The following CAT variants were observed in gnomAD, a reference collection of about 807,000 sequenced individuals.
The protein encoded by CAT is epididymis secretory sperm binding protein.
In CAT, 43 loss-of-function variants were observed where a neutral mutation model predicts 59.0. The ratio of observed to expected loss-of-function variants is 0.73; its 90% CI spans 0.57 to 0.94. The LOEUF (loss-of-function observed/expected upper bound fraction) is 0.94. Among genes scored for constraint, CAT ranks in the 40% least tolerant of loss-of-function variants. The probability of loss-of-function intolerance (pLI) is 0.00; values close to 1 mark genes in which losing one functional copy is unlikely to be tolerated. For synonymous variants in CAT, 218 were observed against 230.9 expected (o/e 0.94, Z 0.51); for missense variants, 664 against 682.9 (o/e 0.97, Z 0.31).
At chr11:34,439,158 C>T (rs1856355317) in intron 1 of CAT, 79 bp downstream of exon 1, 2 of 1,341,282 alleles carry the variant, frequency 1.5e-6, no homozygotes, top group East Asian at 2.5e-5. Context: ...CCCGGCTTCC[C>T]CCGGGGCGGC....
intron 1 of CAT, 60 bp from the exon 2 acceptor site, chr11:34,449,132 G>A (rs769218): frequency 0.23 from 322,195 of 1,387,350 alleles, 40,013 homozygotes; most frequent in East Asian, 0.46. Context: ...ACCCGTGACA[G>A]TGTAAATGAA....
intron 12 of CAT, 150 bp from the exon 13 acceptor site, chr11:34,471,218 A>G: frequency 1.2e-6 from 1 of 851,598 alleles, no homozygotes; most frequent in South Asian, 1.4e-5. Context: ...CAAAACACAT[A>G]CTCTTCATTT....
In CAT at chr11:34,471,467, G is replaced by A; in HGVS notation, c.*34G>A. ...CCCTGCACCTGTGCAGCGAAGCTTAGCGTTCATCCGTGTAACCCGCTCATC... is the reference window on the plus strand; with the variant it reads ...CCCTGCACCTGTGCAGCGAAGCTTAACGTTCATCCGTGTAACCCGCTCATC... On this transcript the variant is annotated 3_prime_UTR_variant, in exon 13 of 13. Coordinates refer to ENST00000241052, the MANE Select transcript of CAT (RefSeq NM_001752.4). The A allele has an allele frequency of 1.9e-6, 3 of 1,581,664 alleles. No individual in the cohort carries two copies. Among genetic ancestry groups the A allele is most frequent in the Non-Finnish European group, 2.6e-6 (3 of 1,150,370 alleles).
At chr11:34,464,060 G>A in intron 9 of CAT, 45 bp from the exon 10 acceptor site, 1 of 1,609,990 alleles carries the variant, frequency 6.2e-7, no homozygotes, top group Non-Finnish European at 8.5e-7. Context: ...AGACTTACTT[G>A]ACTTTTCTTA....
intron 8 of CAT, among the ~76,000 whole-genome samples, chr11:34,459,616 A>T (rs577305750): frequency 1.3e-5 from 2 of 152,108 alleles, no homozygotes; most frequent in African/African-American, 2.4e-5. Context: ...CCAGCAAGGG[A>T]GTTCAGGCAC....
intron 11 of CAT, chr11:34,468,607 T>A (rs963965056): frequency 3.3e-6 from 2 of 605,938 alleles, no homozygotes; most frequent in African/African-American, 3.7e-5. Flanking sequence ...CTTAGCTGTT[T>A]GTCCAGTGTG....
At chr11:34,462,451 A>T (rs1000645155) in intron 9 of CAT, among the ~76,000 whole-genome samples, 2 of 152,160 alleles carry the variant, frequency 1.3e-5, no homozygotes, top group Non-Finnish European at 2.9e-5. Context: ...TTTTAGACAG[A>T]GTCTCACTCT....
At chr11:34,440,045 G>C (rs1419981617) in intron 1 of CAT, among the ~76,000 whole-genome samples, 1 of 152,186 alleles carries the variant, frequency 6.6e-6, no homozygotes, top group Non-Finnish European at 1.5e-5. Context: ...ACCACATCTG[G>C]TCTGAGTCTA....
chr11:34,466,464 A>G (rs1048592263), intron 10 of CAT, among the ~76,000 whole-genome samples: 8 of 152,198 alleles, frequency 5.3e-5, no homozygotes, highest in African/African-American at 1.9e-4. Context: ...AGGTTTTAAA[A>G]TGACTGATTA....
At position 34,470,984 on chromosome 11, in the gene CAT, T is replaced by C; in HGVS notation, c.1461T>C (p.Pro487=). Residue 487 remains proline (P), a synonymous_variant, in exon 12 of 13, where the codon CCT becomes CCC. Coordinates refer to ENST00000241052, the MANE Select transcript of CAT (RefSeq NM_001752.4). ...KAVKNFTEVH[P]DYGSHIQALL... is the part of the protein sequence containing the mutation. ...TCAAGAACTTCACTGAGGTCCACCC[T>C]GACTACGGGAGCCACATCCAGGCTC... 1 of 1,614,206 alleles carries C rather than the reference T, an allele frequency of 6.2e-7. No homozygotes were observed. Among genetic ancestry groups the C allele is most frequent in the South Asian group, 1.1e-5 (1 of 91,086 alleles).
chr11:34,446,725 A>G (rs571545816), intron 1 of CAT, among the ~76,000 whole-genome samples: 3 of 147,340 alleles, frequency 2.0e-5, no homozygotes, highest in African/African-American at 7.4e-5. Flanking sequence ...TCATACTTGT[A>G]CCTTTTATGG....
At chr11:34,456,953 A>G (rs1856597951) in intron 8 of CAT, 136 bp downstream of exon 8, 2 of 911,666 alleles carry the variant, frequency 2.2e-6, no homozygotes, top group Non-Finnish European at 3.4e-6. Flanking sequence ...GTGCTTGGTT[A>G]CCTTGTGGGA....
chr11:34,456,301 T>C, intron 7 of CAT, 99 bp downstream of exon 7: 1 of 935,412 alleles, frequency 1.1e-6, no homozygotes, highest in Non-Finnish European at 1.7e-6. Context: ...GGGGAAGTCA[T>C]ATACAAAATA....
intron 1 of CAT, among the ~76,000 whole-genome samples, chr11:34,447,170 A>G (rs1463081450): frequency 1.3e-5 from 2 of 152,094 alleles, no homozygotes; most frequent in East Asian, 1.9e-4. Flanking sequence ...TTATCACCCA[A>G]TAGTTCTAGG....
chr11:34,470,620 G>A (rs1856763134), intron 11 of CAT: 2 of 353,836 alleles, frequency 5.7e-6, no homozygotes, highest in South Asian at 4.6e-5. Context: ...CAGTACATTC[G>A]AAGGGTTTTA....
chr11:34,453,986 C>G, intron 6 of CAT, 60 bp downstream of exon 6: 1 of 1,568,168 alleles, frequency 6.4e-7, no homozygotes, highest in Non-Finnish European at 8.8e-7. Context: ...CCTTATTTTT[C>G]CTGAAGGATT....
chr11:34,447,966 T>C (rs1179883851), intron 1 of CAT, among the ~76,000 whole-genome samples: 2 of 152,210 alleles, frequency 1.3e-5, no homozygotes, highest in African/African-American at 4.8e-5. Flanking sequence ...CTCTTCCTAC[T>C]TGGATGAAGA....
intron 1 of CAT, among the ~76,000 whole-genome samples, chr11:34,446,033 T>C (rs958643390): frequency 3.9e-5 from 6 of 152,226 alleles, no homozygotes; most frequent in East Asian, 1.9e-4. Context: ...TAAATCTTCA[T>C]TGCATTAATT....
chr11:34,445,386 G>C (rs1451373972), intron 1 of CAT, among the ~76,000 whole-genome samples: 1 of 149,960 alleles, frequency 6.7e-6, no homozygotes, highest in African/African-American at 2.5e-5. Context: ...CCAACTACTT[G>C]GGAGGCTGAG....
Sources: allele counts gnomAD v4.1 joint callset (sites outside exome capture counted in the v4.1 genomes callset), GRCh38; gene constraint gnomAD v4.1.1; transcripts MANE v1.5; gene names NCBI Gene and HGNC (gene_info 2026-07-23, HGNC 2026-07-21).